ASH1L: variants seen among roughly 807,000 people sequenced by gnomAD.
The protein encoded by ASH1L is ASH1 like histone lysine methyltransferase.
ASH1L carries 23 observed loss-of-function variants against 269.0 expected under a neutral mutation model. The observed-to-expected ratio is 0.09, with a 90% CI of 0.06 to 0.12. The LOEUF (loss-of-function observed/expected upper bound fraction) is 0.12, where lower values mean the gene tolerates loss of function less well. Ranked by LOEUF, ASH1L falls within the 10% of genes least tolerant of loss-of-function variation. ASH1L has a pLI of 1.00. For missense variants in ASH1L, 2,912 were observed against 3,567.8 expected, an observed-to-expected ratio of 0.82 and a Z score of 4.68; for synonymous variants, 1,187 against 1,253.5, an observed-to-expected ratio of 0.95 and a Z score of 1.12.
intron 25 of ASH1L, among the ~76,000 whole-genome samples, chr1:155,341,033 G>A (rs929953784): frequency 2.0e-5 from 3 of 152,040 alleles, no homozygotes; most frequent in East Asian, 1.9e-4. Context: ...GTGCAATGGC[G>A]CGATCTTGGC....
intron 5 of ASH1L, among the ~76,000 whole-genome samples, chr1:155,428,747 C>T (rs2148587986): frequency 6.6e-6 from 1 of 152,300 alleles, no homozygotes; most frequent in South Asian, 2.1e-4. Flanking sequence ...TTCGGCCCAT[C>T]CCTTTGTTTC....
chr1:155,337,556 G>T lies in ASH1L; in HGVS notation c.*104C>A. The T allele has an allele frequency of 2.2e-6, 2 of 905,888 alleles. No individual in the cohort carries two copies. The highest frequency in any genetic ancestry group is 3.6e-6 in the Non-Finnish European group (2 of 555,078). 56.1% of individuals were successfully genotyped at this position (905,888 alleles called of 1,614,324 possible). A position where few individuals can be genotyped will look rare whatever the true frequency, so the allele number is the denominator to read the frequency against. On this transcript the variant is annotated 3_prime_UTR_variant, in exon 28 of 28. Coordinates refer to ENST00000392403, the MANE Select transcript of ASH1L (RefSeq NM_018489.3). ...TCAACAACATGGCCCCATTCCCCTTGCCCAGATGGACCCTTCCCACCCCTG... is the reference window on the plus strand; with the variant it reads ...TCAACAACATGGCCCCATTCCCCTTTCCCAGATGGACCCTTCCCACCCCTG...
chr1:155,424,225 A>T (rs1453011483), intron 5 of ASH1L, among the ~76,000 whole-genome samples: 1 of 152,210 alleles, frequency 6.6e-6, no homozygotes, highest in African/African-American at 2.4e-5. Flanking sequence ...ACGATGAGAA[A>T]TAAAGAACTT....
rs1324335465 is a variant in ASH1L, at chr1:155,368,608, C to G, written c.6686+1896G>C. Among the ~76,000 whole-genome samples the G allele has an allele frequency of 3.9e-5, 6 of 152,150 alleles. No homozygotes were observed. The East Asian group carries it at 1.2e-3, about 30-fold the overall frequency. On this transcript the variant is annotated intron_variant, in intron 12 of 27. Coordinates refer to ENST00000392403, the MANE Select transcript of ASH1L (RefSeq NM_018489.3). Reference sequence around the variant, plus strand: ...AGCAGCTGGGATTACAAGCGCCTACCACCACGCCCGGCTAATTTTTGTATT... The same window carrying G: ...AGCAGCTGGGATTACAAGCGCCTACGACCACGCCCGGCTAATTTTTGTATT...
At chr1:155,419,615 G>A (rs1369493764) in intron 5 of ASH1L, 2 of 152,150 alleles carry the variant, frequency 1.3e-5, no homozygotes, top group South Asian at 2.1e-4. Context: ...TCTGGAAATT[G>A]TCTATAAAAT....
chr1:155,413,603 A>T (rs1659976732), intron 6 of ASH1L, among the ~76,000 whole-genome samples: 4 of 152,218 alleles, frequency 2.6e-5, no homozygotes, highest in African/African-American at 9.6e-5. Context: ...GTGAAACTCC[A>T]TCGCAACAAA....
At chr1:155,489,465 C>T (rs1162120866) in intron 2 of ASH1L, among the ~76,000 whole-genome samples, 2 of 129,100 alleles carry the variant, frequency 1.5e-5, no homozygotes, top group Non-Finnish European at 3.2e-5. Flanking sequence ...CAGACCGAGG[C>T]TCTGTCTCAA....
chr1:155,499,434 G>T (rs1667365098), intron 2 of ASH1L, among the ~76,000 whole-genome samples: 1 of 152,138 alleles, frequency 6.6e-6, no homozygotes, highest in South Asian at 2.1e-4. Context: ...AGTTACGAAA[G>T]AGGTACAATT....
Position 155,434,975 on chromosome 1 carries a change from T to C in ASH1L, c.5828+3352A>G, listed in dbSNP as rs528081524. The stretch of plus-strand genomic sequence containing the variant: ...GAGTTCAAGACCAGCCTGGCCAACA[T>C]GGGGAAACCCCGTCTCTACTAAAAA... On this transcript the variant is annotated intron_variant, in intron 5 of 27. Coordinates refer to ENST00000392403, the MANE Select transcript of ASH1L (RefSeq NM_018489.3). Among the ~76,000 whole-genome samples, 285 of 152,264 alleles carry C rather than the reference T, an allele frequency of 1.9e-3. 1 individual carries two copies. Among genetic ancestry groups the C allele is most frequent in the Non-Finnish European group, 3.3e-3 (225 of 68,012 alleles).
intron 2 of ASH1L, among the ~76,000 whole-genome samples, chr1:155,510,212 G>A (rs1205955534): frequency 4.6e-5 from 7 of 151,734 alleles, no homozygotes; most frequent in Non-Finnish European, 8.8e-5. Context: ...TCAGGAGTTC[G>A]AGACCAGCCT....
chr1:155,400,955 T>A (rs1387832633), intron 6 of ASH1L, among the ~76,000 whole-genome samples: 2 of 150,076 alleles, frequency 1.3e-5, no homozygotes, highest in East Asian at 3.9e-4. Context: ...AGGCAAGGAG[T>A]TTGAGACCAG....
intron 5 of ASH1L, chr1:155,433,476 C>T (rs750393256): frequency 1.3e-5 from 21 of 1,610,438 alleles, no homozygotes; most frequent in Non-Finnish European, 1.4e-5. Context: ...GAGGGCGAAG[C>T]AGGAGTCAGG....
At chr1:155,414,856 G>A (rs1479470938) in intron 6 of ASH1L, among the ~76,000 whole-genome samples, 3 of 152,132 alleles carry the variant, frequency 2.0e-5, no homozygotes, top group African/African-American at 7.2e-5. Flanking sequence ...CTTAATTGAT[G>A]ATAATTTGCT....
intron 6 of ASH1L, among the ~76,000 whole-genome samples, chr1:155,414,082 A>G (rs954201268): frequency 3.9e-5 from 6 of 152,156 alleles, no homozygotes; most frequent in Admixed American, 1.3e-4. Flanking sequence ...ACCAAACGAG[A>G]TGTACCTCTA....
intron 6 of ASH1L, among the ~76,000 whole-genome samples, chr1:155,404,899 G>A (rs1200057020): frequency 2.0e-5 from 3 of 151,116 alleles, no homozygotes; most frequent in Non-Finnish European, 4.4e-5. Flanking sequence ...GTGGTGGTGC[G>A]TGCCTGTGGT....
Position 155,378,311 on chromosome 1 carries a change from C to A in ASH1L, c.6302G>T (p.Arg2101Met), listed in dbSNP as rs1258595268. The A allele has an allele frequency of 7.4e-6, 12 of 1,614,178 alleles. No homozygotes were observed. Among genetic ancestry groups the A allele is most frequent in the Non-Finnish European group, 1.0e-5 (12 of 1,180,020 alleles). ...GAGGCAGTCATCAACACAGCCCTTC[C>A]TGGTGTCATCATCTGGCTTCTTACA... ...CNCKKPDDDTRKGCVDDCLNR... is the reference protein window; with the variant it reads ...CNCKKPDDDTMKGCVDDCLNR... The change falls in exon 10 of 28, where the codon AGG (arginine) becomes ATG (methionine). Residue 2101 changes from arginine (R) to methionine (M), a missense_variant. Physicochemically the swap from Arg to Met is moderately conservative, Grantham distance 91. Around this residue, in one of 13 missense-constraint regions of ASH1L, gnomAD observed 193 missense variants for 311.6 expected, o/e 0.62. Coordinates refer to ENST00000392403, the MANE Select transcript of ASH1L (RefSeq NM_018489.3).
intron 1 of ASH1L, among the ~76,000 whole-genome samples, chr1:155,553,020 C>A (rs1671322276): frequency 6.6e-6 from 1 of 152,042 alleles, no homozygotes; most frequent in Non-Finnish European, 1.5e-5. Context: ...ATTTTACAGT[C>A]AAGGAAACCA....
Position 155,365,443 on chromosome 1 carries a change from G to A in ASH1L, c.6687-5034C>T, listed in dbSNP as rs571851322. Among the ~76,000 whole-genome samples the A allele has an allele frequency of 5.5e-5, 8 of 144,300 alleles. No homozygotes were observed. In the Admixed American group the frequency reaches 5.8e-4, roughly 10 times the overall value. The allele number at this position is 144,300 out of a possible 152,430, so 94.7% of individuals were successfully genotyped here. A position where few individuals can be genotyped will look rare whatever the true frequency, so the allele number is the denominator to read the frequency against. ...TCACCATTTTGGCCAGGCTAGTCTC[G>A]AACTCCTGACCTCAGGTGATCAACC... On this transcript the variant is annotated intron_variant, in intron 12 of 27. Coordinates refer to ENST00000392403, the MANE Select transcript of ASH1L (RefSeq NM_018489.3).
At chr1:155,453,689 C>T (rs1481600945) in intron 4 of ASH1L, among the ~76,000 whole-genome samples, 1 of 152,086 alleles carries the variant, frequency 6.6e-6, no homozygotes, top group Non-Finnish European at 1.5e-5. Flanking sequence ...GTCCCAGCTA[C>T]TCGGGAGGCT....
Sources: gnomAD v4.1 joint callset for allele counts (sites outside exome capture counted in the v4.1 genomes callset) on GRCh38, gnomAD v4.1.1 for gene constraint, gnomAD v4.1.1 regional missense constraint, MANE v1.5 for transcripts, NCBI Gene and HGNC (gene_info 2026-07-23, HGNC 2026-07-21) for gene names.